The following SPIDR variants were observed in gnomAD, a reference collection of about 807,000 sequenced individuals.
SPIDR encodes scaffold protein involved in DNA repair, also known as DNA repair-scaffolding protein.
SPIDR carries 93 observed loss-of-function variants against 104.6 expected under a neutral mutation model. The ratio of observed to expected loss-of-function variants is 0.89; its 90% confidence interval spans 0.75 to 1.06. The LOEUF (loss-of-function observed/expected upper bound fraction) is 1.06. Among genes scored for constraint, SPIDR ranks in the 50% least tolerant of loss-of-function variants. The probability of loss-of-function intolerance (pLI) is 0.00; values close to 1 mark genes in which losing one functional copy is unlikely to be tolerated. For missense variants in SPIDR, 1,154 were observed against 1,111.2 expected (o/e 1.04, Z -0.55); for synonymous variants, 431 against 416.9 (o/e 1.03, Z -0.41).
At chr8:47,304,298 T>G (rs1186838685) in intron 5 of SPIDR, among the ~76,000 whole-genome samples, 1 of 152,150 alleles carries the variant, frequency 6.6e-6, no homozygotes, top group African/African-American at 2.4e-5. Context: ...GGATTTCTCA[T>G]GAATGGTTTA....
intron 8 of SPIDR, among the ~76,000 whole-genome samples, chr8:47,505,855 T>G (rs2081399280): frequency 6.6e-6 from 1 of 152,202 alleles, no homozygotes; most frequent in Admixed American, 6.5e-5. Context: ...AACCGTTACC[T>G]TTTGTGAATT....
intron 8 of SPIDR, among the ~76,000 whole-genome samples, chr8:47,564,164 C>T (rs1372765950): frequency 6.7e-6 from 1 of 149,996 alleles, no homozygotes; most frequent in Non-Finnish European, 1.5e-5. Flanking sequence ...CTGCAACCTC[C>T]ACCTCCCGGG....
chr8:47,290,956 T>C (rs958351440), intron 3 of SPIDR, 77 bp from the exon 4 acceptor site: 2 of 1,124,940 alleles, frequency 1.8e-6, no homozygotes, highest in East Asian at 5.0e-5. Context: ...TTTGGCAAAA[T>C]TACATGCATA....
chr8:47,711,235 A>G (rs1049337706), intron 14 of SPIDR, among the ~76,000 whole-genome samples: 1 of 152,186 alleles, frequency 6.6e-6, no homozygotes, highest in Non-Finnish European at 1.5e-5. Flanking sequence ...ACACAGTAAG[A>G]TGCGTCAAAC....
chr8:47,617,126 A>G (rs1392436095), intron 10 of SPIDR, among the ~76,000 whole-genome samples: 3 of 152,226 alleles, frequency 2.0e-5, no homozygotes, highest in Non-Finnish European at 4.4e-5. Context: ...TCAAAGGTAC[A>G]TACTATCAAC....
At chr8:47,551,004 T>C (rs922870746) in intron 8 of SPIDR, among the ~76,000 whole-genome samples, 3 of 152,224 alleles carry the variant, frequency 2.0e-5, no homozygotes, top group African/African-American at 7.2e-5. Context: ...GTCAAAGGCC[T>C]TTTCTGCATC....
chr8:47,386,944 T>G (rs1364687650), intron 5 of SPIDR, among the ~76,000 whole-genome samples: 1 of 147,388 alleles, frequency 6.8e-6, no homozygotes, highest in African/African-American at 2.6e-5. Flanking sequence ...GATATAGATA[T>G]AGATATAGAT....
intron 8 of SPIDR, among the ~76,000 whole-genome samples, chr8:47,454,801 G>A (rs1314552454): frequency 5.3e-5 from 8 of 151,982 alleles, no homozygotes; most frequent in African/African-American, 1.9e-4. Flanking sequence ...AGGAACTTGA[G>A]GCTACAGTGT....
At chr8:47,545,283 T>C (rs1408177347) in intron 8 of SPIDR, among the ~76,000 whole-genome samples, 1 of 152,026 alleles carries the variant, frequency 6.6e-6, no homozygotes, top group Non-Finnish European at 1.5e-5. Context: ...TTGGCCAGGC[T>C]GGTTTCGAAT....
At chr8:47,695,982 C>T (rs2079278561) in intron 11 of SPIDR, among the ~76,000 whole-genome samples, 1 of 152,220 alleles carries the variant, frequency 6.6e-6, no homozygotes, top group East Asian at 1.9e-4. Context: ...TGGTCCGCAG[C>T]TGATTTCTAT....
intron 5 of SPIDR, among the ~76,000 whole-genome samples, chr8:47,349,422 G>A: frequency 6.6e-6 from 1 of 152,212 alleles, no homozygotes; most frequent in Non-Finnish European, 1.5e-5. Flanking sequence ...CTGCTTGGGG[G>A]TCAGGGACCC....
In SPIDR at chr8:47,633,508, A is replaced by T. The variant is rs567972143; in HGVS notation, c.1544+34312A>T. On this transcript the variant is annotated intron_variant, in intron 10 of 19. Coordinates refer to ENST00000297423, the MANE Select transcript of SPIDR (RefSeq NM_001080394.4). ...TGCCATCTGATGTGTATAAGAGGATATGGAAAGATTTAGGTTTTTTCTTTT... is the reference window on the plus strand; with the variant it reads ...TGCCATCTGATGTGTATAAGAGGATTTGGAAAGATTTAGGTTTTTTCTTTT... Among the ~76,000 whole-genome samples the T allele has an allele frequency of 7.3e-5, 11 of 150,016 alleles. No homozygotes were observed. In the South Asian group the frequency reaches 1.9e-3, roughly 26 times the overall value.
intron 10 of SPIDR, among the ~76,000 whole-genome samples, chr8:47,623,787 G>A (rs909538989): frequency 1.3e-5 from 2 of 152,108 alleles, no homozygotes; most frequent in Non-Finnish European, 2.9e-5. Context: ...AATAATAATG[G>A]GAGACTTTAA....
chr8:47,563,030 CTT>C (rs1442007199), intron 8 of SPIDR, among the ~76,000 whole-genome samples: 1 of 146,144 alleles, frequency 6.8e-6, no homozygotes, highest in Non-Finnish European at 1.5e-5. Context: ...GTACTTTACT[CTT>C]TTCTCTTTTT....
At chr8:47,554,277 C>T (rs1316902812) in intron 8 of SPIDR, among the ~76,000 whole-genome samples, 4 of 152,222 alleles carry the variant, frequency 2.6e-5, no homozygotes, top group African/African-American at 9.6e-5. Flanking sequence ...CTCTTCAAAG[C>T]TGTCAGACAG....
intron 5 of SPIDR, among the ~76,000 whole-genome samples, chr8:47,348,433 T>C (rs2052659281): frequency 6.6e-6 from 1 of 152,226 alleles, no homozygotes; most frequent in Non-Finnish European, 1.5e-5. Context: ...GTCTTGGAGT[T>C]GCTCTTCTCG....
chr8:47,730,511 C>A (rs1015738913), intron 19 of SPIDR, among the ~76,000 whole-genome samples: 9 of 152,096 alleles, frequency 5.9e-5, no homozygotes, highest in African/African-American at 2.2e-4. Flanking sequence ...CTGGGGAGGC[C>A]GATCATGCCT....
intron 8 of SPIDR, among the ~76,000 whole-genome samples, chr8:47,537,287 A>G (rs1368199578): frequency 6.6e-6 from 1 of 152,242 alleles, no homozygotes; most frequent in Admixed American, 6.5e-5. Flanking sequence ...TTTATTCATA[A>G]TTACCAAAAA....
At chr8:47,299,986 T>C (rs1563526975) in intron 5 of SPIDR, among the ~76,000 whole-genome samples, 3 of 152,278 alleles carry the variant, frequency 2.0e-5, no homozygotes, top group South Asian at 2.1e-4. Context: ...AGGGAGGATT[T>C]CCTCTTTTTC....
Sources: gnomAD v4.1 joint callset for allele counts (sites outside exome capture counted in the v4.1 genomes callset) on GRCh38, gnomAD v4.1.1 for gene constraint, MANE v1.5 for transcripts, NCBI Gene and HGNC (gene_info 2026-07-23, HGNC 2026-07-21) for gene names.